NFASC: variants seen among roughly 807,000 people sequenced by gnomAD.
NFASC encodes the protein neurofascin, also known as neurofascin homolog.
NFASC carries 43 observed loss-of-function variants against 147.5 expected under a neutral mutation model. The ratio of observed to expected loss-of-function variants is 0.29; its 90% CI spans 0.23 to 0.38. NFASC has a LOEUF of 0.38. NFASC is among the 10% of genes least tolerant of loss of function. The probability of loss-of-function intolerance (pLI) is 1.00; values close to 1 mark genes in which losing one functional copy is unlikely to be tolerated. For synonymous variants in NFASC, 622 were observed against 665.5 expected, an observed-to-expected ratio of 0.93 and a Z score of 1.01; for missense variants, 1,320 against 1,689.0, an observed-to-expected ratio of 0.78 and a Z score of 3.83.
At position 204,979,968 on chromosome 1, in the gene NFASC, A is replaced by G. The variant is rs1301838058; in HGVS notation, c.2177-402A>G. Among the ~76,000 whole-genome samples, 1 of 152,206 alleles carries G rather than the reference A, an allele frequency of 6.6e-6. No homozygotes were observed. Among genetic ancestry groups the G allele is most frequent in the Non-Finnish European group, 1.5e-5 (1 of 68,038 alleles). ...GTAATATTTGGATTTCTGAAATCAC[A>G]CCAGCTCATAGAGGGTAGAGATGCT... On this transcript the variant is annotated intron_variant, in intron 19 of 29. Coordinates refer to ENST00000339876, the MANE Select transcript of NFASC (RefSeq NM_001005388.3). This position sits in a 1 kb window ranked among gnomAD's most constrained non-coding sequence, Gnocchi z 6.0.
Position 204,911,079 on chromosome 1 carries a change from C to T in NFASC, c.-199-9553C>T, listed in dbSNP as rs115427003. Among the ~76,000 whole-genome samples, 1,140 of 152,184 alleles carry T rather than the reference C, an allele frequency of 7.5e-3. 13 individuals are homozygous for T. Among genetic ancestry groups the T allele is most frequent in the African/African-American group, 0.026 (1,072 of 41,526 alleles). Reference sequence around the variant, plus strand: ...TAATGTTATCTGTCTATTTTCTAAACGTTTTTTAAAAAATCACACTGAAGA... The same window carrying T: ...TAATGTTATCTGTCTATTTTCTAAATGTTTTTTAAAAAATCACACTGAAGA... On this transcript the variant is annotated intron_variant, in intron 1 of 29. Transcript: ENST00000339876.
chr1:204,930,124 A>C (rs2092220864), intron 2 of NFASC, among the ~76,000 whole-genome samples: 1 of 152,128 alleles, frequency 6.6e-6, no homozygotes, highest in African/African-American at 2.4e-5. Flanking sequence ...AGAGACTGAG[A>C]ATGGAGGTGT....
chr1:204,848,631 A>ATTTC (rs1479500085), intron 1 of NFASC, among the ~76,000 whole-genome samples: 1 of 152,258 alleles, frequency 6.6e-6, no homozygotes, highest in Non-Finnish European at 1.5e-5. Flanking sequence ...AAACTTTGAA[A>ATTTC]AGTGACAATC....
chr1:204,831,356 G>A (rs921249943), intron 1 of NFASC, among the ~76,000 whole-genome samples: 5 of 150,168 alleles, frequency 3.3e-5, no homozygotes, highest in African/African-American at 7.3e-5. Flanking sequence ...AACTGGCTGC[G>A]CTCACAAGGG....
intron 24 of NFASC, 118 bp downstream of exon 24, chr1:204,991,424 C>A (rs1025345808): frequency 9.2e-7 from 1 of 1,090,846 alleles, no homozygotes; most frequent in Non-Finnish European, 1.4e-6. Context: ...CCAGACTCAC[C>A]CTTTCAGTGG....
intron 1 of NFASC, among the ~76,000 whole-genome samples, chr1:204,920,393 G>A (rs1033517842): frequency 4.0e-5 from 6 of 149,952 alleles, no homozygotes; most frequent in African/African-American, 1.2e-4. Context: ...TGATCTTACA[G>A]ATAAGAGAGA....
At position 205,021,213 on chromosome 1, in the gene NFASC, C is replaced by G. The variant is rs1039356405; in HGVS notation, c.*4674C>G. Reference sequence around the variant, plus strand: ...TCCAAGCCAGACTTTGTGGCTGTCCCCAGCCTGCACAGCCCAAGCCCAGGG... The same window carrying G: ...TCCAAGCCAGACTTTGTGGCTGTCCGCAGCCTGCACAGCCCAAGCCCAGGG... On this transcript the variant is annotated 3_prime_UTR_variant, in exon 30 of 30. Coordinates refer to ENST00000339876, the MANE Select transcript of NFASC (RefSeq NM_001005388.3). 6 of 152,542 alleles carry G rather than the reference C, an allele frequency of 3.9e-5. No homozygotes were observed. The highest frequency in any genetic ancestry group is 1.4e-4 in the African/African-American group (6 of 41,434). The allele number at this position is 152,542 out of a possible 1,614,324, so 9.4% of individuals were successfully genotyped here.
At chr1:204,915,791 G>A (rs1259034197) in intron 1 of NFASC, among the ~76,000 whole-genome samples, 2 of 152,142 alleles carry the variant, frequency 1.3e-5, no homozygotes, top group Non-Finnish European at 2.9e-5. Flanking sequence ...ACGCCCTTAT[G>A]GAATTAGGGA....
Position 204,973,261 on chromosome 1 carries a change from C to T in NFASC, c.1136-15C>T. On this transcript the variant is annotated splice_polypyrimidine_tract_variant and intron_variant, in intron 11 of 29. Transcript: ENST00000339876. ...TCCCCATCTCTCATGAGGAGCGTCT[C>T]TTTCTTGTCTGTAGCGGCACCACCT... 1 of 1,613,882 alleles carries T rather than the reference C, an allele frequency of 6.2e-7. No homozygotes were observed. The highest frequency in any genetic ancestry group is 8.5e-7 in the Non-Finnish European group (1 of 1,179,936).
chr1:204,980,458 C>G lies in NFASC; in HGVS notation c.2247+18C>G, dbSNP rs950851437. On this transcript the variant is annotated intron_variant, in intron 20 of 29. Coordinates refer to ENST00000339876, the MANE Select transcript of NFASC (RefSeq NM_001005388.3). The stretch of plus-strand genomic sequence containing the variant: ...CGTGGACGGTAAGAGGCCCTCCCAG[C>G]CCCAGTGGAGCAGCTCACCTTGCCG... 8.8e-6 allele frequency: 14 copies of G among 1,595,910 alleles called. No individual in the cohort carries two copies. The African/African-American group carries it at 1.3e-4, about 15-fold the overall frequency.
At chr1:204,959,183 A>C (rs953846552) in intron 8 of NFASC, among the ~76,000 whole-genome samples, 1 of 145,590 alleles carries the variant, frequency 6.9e-6, no homozygotes, top group East Asian at 2.0e-4. Context: ...TTGGAACTCC[A>C]TTCTGCCCTC....
At chr1:204,996,314 T>G (rs1038313703) in intron 24 of NFASC, among the ~76,000 whole-genome samples, 10 of 152,130 alleles carry the variant, frequency 6.6e-5, no homozygotes, top group Non-Finnish European at 1.3e-4. Flanking sequence ...CTGGGACTCC[T>G]CTGTCTGCTG....
intron 1 of NFASC, among the ~76,000 whole-genome samples, chr1:204,845,226 C>G (rs573660423): frequency 6.6e-6 from 1 of 151,646 alleles, no homozygotes; most frequent in Non-Finnish European, 1.5e-5. Context: ...TGATGGTGCT[C>G]CTGCTCTGTC....
intron 27 of NFASC, 175 bp from the exon 28 acceptor site, chr1:205,009,382 T>C (rs763754772): frequency 7.7e-6 from 6 of 774,818 alleles, no homozygotes; most frequent in Non-Finnish European, 1.4e-5. Context: ...GGCTCTTTAA[T>C]TATTTTCTTT....
chr1:204,851,415 C>T (rs1006531838), intron 1 of NFASC, among the ~76,000 whole-genome samples: 1 of 151,792 alleles, frequency 6.6e-6, no homozygotes, highest in Non-Finnish European at 1.5e-5. Context: ...TCACTGCAAC[C>T]TCCACCTCCC....
chr1:204,951,951 C>T (rs750189950), intron 4 of NFASC, 60 bp from the exon 5 acceptor site: 13 of 1,415,474 alleles, frequency 9.2e-6, no homozygotes, highest in Non-Finnish European at 1.3e-5. Context: ...AGCTGTTCCC[C>T]AAGCTGGACC....
At position 204,987,374 on chromosome 1, in the gene NFASC, GC is replaced by G. The variant is rs1022708410; in HGVS notation, c.2471-39del. The G allele has an allele frequency of 2.5e-6, 4 of 1,581,048 alleles. No homozygotes were observed. The highest frequency in any genetic ancestry group is 3.5e-5 in the Admixed American group (2 of 57,184). On this transcript the variant is annotated intron_variant, in intron 21 of 29. Coordinates refer to ENST00000339876, the MANE Select transcript of NFASC (RefSeq NM_001005388.3). This position sits in a 1 kb window ranked among gnomAD's most constrained non-coding sequence, Gnocchi z 4.4. ...TTTTTGTGTTTTCCTCATCCTCCCT[GC>G]CCCCTCCCCCTCATCTCCCCTGCTC...
At chr1:204,908,457 A>G (rs147858154) in intron 1 of NFASC, among the ~76,000 whole-genome samples, 66 of 152,320 alleles carry the variant, frequency 4.3e-4, no homozygotes, top group African/African-American at 1.5e-3. Flanking sequence ...CAGATTATAT[A>G]ATTATTTACA....
chr1:204,889,458 A>G (rs1474202214), intron 1 of NFASC, among the ~76,000 whole-genome samples: 1 of 152,262 alleles, frequency 6.6e-6, no homozygotes, highest in African/African-American at 2.4e-5. Context: ...TACGCAGGTT[A>G]ACAGGAAAAG....
Sources: gnomAD v4.1 joint callset for allele counts (sites outside exome capture counted in the v4.1 genomes callset) on GRCh38, gnomAD v4.1.1 for gene constraint, Gnocchi (gnomAD v3.1) non-coding constraint, MANE v1.5 for transcripts, NCBI Gene and HGNC (gene_info 2026-07-23, HGNC 2026-07-21) for gene names.